The following CDH18 variants were observed in gnomAD, a reference collection of about 807,000 sequenced individuals.
CDH18 encodes cadherin 18.
A neutral mutation model predicts 67.9 loss-of-function variants in CDH18; 31 were observed. The observed-to-expected ratio is 0.46, with a 90% CI of 0.34 to 0.62. The LOEUF is 0.62. Ranked by LOEUF, CDH18 falls within the 20% of genes least tolerant of loss-of-function variation. The pLI is 0.01. For missense variants in CDH18, 890 were observed against 975.5 expected (o/e 0.91, Z 1.17); for synonymous variants, 362 against 347.2 (o/e 1.04, Z -0.48).
chr5:19,630,739 A>G (rs1752304897), intron 5 of CDH18, among the ~76,000 whole-genome samples: 1 of 152,212 alleles, frequency 6.6e-6, no homozygotes, highest in African/African-American at 2.4e-5. Flanking sequence ...AACATAATGC[A>G]GACTGAATAG....
In CDH18 at chr5:19,633,328, T is replaced by C. The variant is rs549755945; in HGVS notation, c.644-20727A>G. Among the ~76,000 whole-genome samples, 6 of 152,298 alleles carry C rather than the reference T, an allele frequency of 3.9e-5. No individual in the cohort carries two copies. The South Asian group carries it at 8.3e-4, about 21-fold the overall frequency. ...AACAAATTAGAAATCACCAAAATAATTCACTTACTTCATTTAATGAAGTCA... is the reference window on the plus strand; with the variant it reads ...AACAAATTAGAAATCACCAAAATAACTCACTTACTTCATTTAATGAAGTCA... On this transcript the variant is annotated intron_variant, in intron 5 of 12. Transcript: ENST00000382275.
At chr5:19,793,740 G>A (rs1376784788) in intron 3 of CDH18, among the ~76,000 whole-genome samples, 6 of 152,008 alleles carry the variant, frequency 3.9e-5, no homozygotes, top group Non-Finnish European at 8.8e-5. Flanking sequence ...CAAGGTCCTC[G>A]TACTGTACTC....
Position 19,747,253 on chromosome 5 carries a change from G to A in CDH18, c.229-17C>T. The A allele has an allele frequency of 1.3e-6, 2 of 1,593,070 alleles. No individual in the cohort carries two copies. Among genetic ancestry groups the A allele is most frequent in the Non-Finnish European group, 1.7e-6 (2 of 1,163,814 alleles). Reference sequence around the variant, plus strand: ...GGAGTGCAGCTGTGAAATACACATGGAATAATTTAGCATATATTTATATTC... The same window carrying A: ...GGAGTGCAGCTGTGAAATACACATGAAATAATTTAGCATATATTTATATTC... On this transcript the variant is annotated splice_polypyrimidine_tract_variant and intron_variant, in intron 3 of 12. Transcript: ENST00000382275.
intron 2 of CDH18, among the ~76,000 whole-genome samples, chr5:20,024,280 T>C (rs1738693604): frequency 6.6e-6 from 1 of 152,232 alleles, no homozygotes; most frequent in Non-Finnish European, 1.5e-5. Flanking sequence ...TTAGCATTGT[T>C]CTCAGCTCTT....
intron 1 of CDH18, among the ~76,000 whole-genome samples, chr5:20,435,329 T>A (rs1749088522): frequency 6.6e-6 from 1 of 152,014 alleles, no homozygotes; most frequent in African/African-American, 2.4e-5. Context: ...CAGCCAGTAC[T>A]AAGAAAAGTG....
chr5:19,940,772 G>C (rs1044137406), intron 2 of CDH18, among the ~76,000 whole-genome samples: 1 of 151,836 alleles, frequency 6.6e-6, no homozygotes, highest in African/African-American at 2.4e-5. Context: ...TTTTCTCCAA[G>C]TACTAGTTTA....
chr5:19,584,793 CA>C (rs61297842), intron 7 of CDH18, among the ~76,000 whole-genome samples: 1,553 of 75,078 alleles, frequency 0.021, 33 homozygotes, highest in African/African-American at 0.075. Flanking sequence ...ACTAAAAATA[CA>C]AAAAAAAAAA....
intron 2 of CDH18, among the ~76,000 whole-genome samples, chr5:20,125,058 T>C (rs768418346): frequency 5.3e-5 from 8 of 152,308 alleles, no homozygotes; most frequent in Non-Finnish European, 1.0e-4. Context: ...GTTATCTACA[T>C]TGAATTTTTA....
chr5:20,343,230 C>G (rs1224202361), intron 1 of CDH18, among the ~76,000 whole-genome samples: 1 of 152,172 alleles, frequency 6.6e-6, no homozygotes, highest in African/African-American at 2.4e-5. Flanking sequence ...CTGGCATTGG[C>G]TAACTAATCA....
At chr5:20,400,616 A>C (rs1745681962) in intron 1 of CDH18, among the ~76,000 whole-genome samples, 1 of 134,190 alleles carries the variant, frequency 7.5e-6, no homozygotes, top group South Asian at 2.3e-4. Context: ...AAAACCAGCG[A>C]GGTGTGGTGG....
In CDH18 at chr5:20,050,578, A is replaced by C. The variant is rs537092015; in HGVS notation, c.-517-58564T>G. On this transcript the variant is annotated intron_variant, in intron 2 of 14. Transcript: ENST00000507958. ...ATATACTTTTATGAGCTAAAATGTT[A>C]CAATCCAAAATATTGCCTAATTCTG... 9.1e-4 allele frequency among the ~76,000 whole-genome samples: 139 copies of C among 152,024 alleles called. 1 individual carries two copies. Among genetic ancestry groups the C allele is most frequent in the Middle Eastern group, 6.8e-3 (2 of 294 alleles).
At chr5:19,915,855 C>A (rs960145129) in intron 2 of CDH18, among the ~76,000 whole-genome samples, 1 of 151,730 alleles carries the variant, frequency 6.6e-6, no homozygotes, top group Non-Finnish European at 1.5e-5. Context: ...CCTGGTCCAG[C>A]GACCAGATCA....
chr5:20,403,821 C>A (rs1403312167), intron 1 of CDH18, among the ~76,000 whole-genome samples: 1 of 152,146 alleles, frequency 6.6e-6, no homozygotes. Context: ...TGAGAGTCGG[C>A]CTGTTCTTCA....
chr5:20,436,637 T>C (rs1749185307), intron 1 of CDH18, among the ~76,000 whole-genome samples: 1 of 151,428 alleles, frequency 6.6e-6, no homozygotes, highest in African/African-American at 2.4e-5. Flanking sequence ...TGTATATATA[T>C]ATATGAATAC....
intron 3 of CDH18, among the ~76,000 whole-genome samples, chr5:19,831,191 T>C (rs1780987022): frequency 6.6e-6 from 1 of 152,158 alleles, no homozygotes; most frequent in Non-Finnish European, 1.5e-5. Context: ...TACATGTCTT[T>C]CTTGACATAA....
At position 19,637,138 on chromosome 5, in the gene CDH18, CTTTCTTTCTTTCTT is replaced by C. The variant is rs141251287; in HGVS notation, c.644-24551_644-24538del. Reference sequence around the variant, plus strand: ...TTTGTTTTCCTTTTTCTTTCTCTTTCTTTCTTTCTTTCTTTTTCTTTCTTTCTTTCTTCCTTCCT... The same window carrying C: ...TTTGTTTTCCTTTTTCTTTCTCTTTCTTTCTTTCTTTCTTTCTTCCTTCCT... On this transcript the variant is annotated intron_variant, in intron 5 of 12. Transcript: ENST00000382275. Among the ~76,000 whole-genome samples the C allele has an allele frequency of 7.3e-3, 1,098 of 151,336 alleles. 14 individuals carry two copies. Among genetic ancestry groups the C allele is most frequent in the African/African-American group, 0.025 (1,033 of 41,164 alleles).
In CDH18 at chr5:20,538,898, G is replaced by GTTTTTTTTTTT. The variant is rs376091293; in HGVS notation, c.-580+36563_-580+36564insAAAAAAAAAAA. On this transcript the variant is annotated intron_variant, in intron 1 of 14. Coordinates refer to the CDH18 transcript ENST00000507958. Reference sequence around the variant, plus strand: ...TGGATATACATCCACATAGCCAACTGTTTTTTTTTTGTTTTTTTTTTTTTT... The same window carrying GTTTTTTTTTTT: ...TGGATATACATCCACATAGCCAACTGTTTTTTTTTTTTTTTTTTTTTGTTTTTTTTTTTTTT... Among the ~76,000 whole-genome samples the GTTTTTTTTTTT allele has an allele frequency of 2.1e-4, 22 of 106,762 alleles. 8 individuals are homozygous for GTTTTTTTTTTT. Among genetic ancestry groups the GTTTTTTTTTTT allele is most frequent in the Non-Finnish European group, 2.9e-4 (16 of 55,180 alleles). 70.0% of individuals were successfully genotyped at this position (106,762 alleles called of 152,430 possible).
chr5:19,839,912 GA>G (rs374580803), intron 2 of CDH18, among the ~76,000 whole-genome samples: 2 of 151,778 alleles, frequency 1.3e-5, no homozygotes, highest in African/African-American at 4.8e-5. Flanking sequence ...ATTAAAGAAA[GA>G]AAAAAATAGC....
chr5:19,991,921 G>A (rs1263542535), upstream of CDH18: 2 of 151,728 alleles, frequency 1.3e-5, no homozygotes, highest in African/African-American at 4.8e-5. Context: ...AGGAGGCTGA[G>A]GCAGGAGAAT....
Sources: allele counts gnomAD v4.1 joint callset (sites outside exome capture counted in the v4.1 genomes callset), GRCh38; gene constraint gnomAD v4.1.1; transcripts MANE v1.5; gene names NCBI Gene and HGNC (gene_info 2026-07-23, HGNC 2026-07-21).